Variants in OR51B5 observed in about 807,000 individuals in gnomAD.
OR51B5 encodes olfactory receptor 51B5.
For synonymous variants in OR51B5, 186 were observed against 144.8 expected (o/e 1.28, Z -2.04); for missense variants, 456 against 374.6 (o/e 1.22, Z -1.79).
chr11:5,407,957 A>T (rs1278387593), intron 1 of OR51B5, among the ~76,000 whole-genome samples: 1 of 152,132 alleles, frequency 6.6e-6, no homozygotes, highest in African/African-American at 2.4e-5. Flanking sequence ...GATTTGAGAG[A>T]ATATATTTTG....
At chr11:5,466,894 T>C (rs1851146242) in intron 1 of OR51B5, among the ~76,000 whole-genome samples, 1 of 152,260 alleles carries the variant, frequency 6.6e-6, no homozygotes. Flanking sequence ...GGAAGCTGTA[T>C]TTAGCTGTTG....
chr11:5,391,002 C>T (rs948680067), intron 1 of OR51B5: 2 of 152,308 alleles, frequency 1.3e-5, no homozygotes, highest in African/African-American at 4.8e-5. Flanking sequence ...TTGATCCTAT[C>T]CTTGACTCCT....
At chr11:5,394,862 A>T (rs1363670918) in intron 1 of OR51B5, among the ~76,000 whole-genome samples, 2 of 152,204 alleles carry the variant, frequency 1.3e-5, no homozygotes, top group Non-Finnish European at 2.9e-5. Context: ...CAAATATCTG[A>T]CCCAAAGCTT....
intron 1 of OR51B5, among the ~76,000 whole-genome samples, chr11:5,449,562 A>C (rs541698544): frequency 5.1e-4 from 78 of 152,334 alleles, no homozygotes; most frequent in Non-Finnish European, 9.0e-4. Context: ...TGGCACTGCC[A>C]TGTACTGATT....
chr11:5,422,262 G>A, intron 1 of OR51B5: 1 of 1,614,062 alleles, frequency 6.2e-7, no homozygotes, highest in South Asian at 1.1e-5. Context: ...GACATCCCTG[G>A]ATTTGAGGCC....
At chr11:5,351,488 G>T (rs4494330) in intron 1 of OR51B5, 402,337 of 1,578,436 alleles carry the variant, frequency 0.25, 53,126 homozygotes, top group African/African-American at 0.31. Flanking sequence ...GTAAATATTT[G>T]CCTCTTTGCA....
intron 1 of OR51B5, among the ~76,000 whole-genome samples, chr11:5,427,173 G>A (rs1229674665): frequency 9.6e-6 from 1 of 104,162 alleles, no homozygotes; most frequent in East Asian, 2.3e-4. Context: ...GGTATATACC[G>A]ACCGTCCAAC....
chr11:5,440,348 A>G (rs1850659168), intron 1 of OR51B5, among the ~76,000 whole-genome samples: 1 of 152,180 alleles, frequency 6.6e-6, no homozygotes, highest in Admixed American at 6.5e-5. Flanking sequence ...ACAATATTTC[A>G]TACTCACCAT....
chr11:5,402,144 T>C (rs762796154), intron 1 of OR51B5, among the ~76,000 whole-genome samples: 35 of 152,002 alleles, frequency 2.3e-4, no homozygotes, highest in Non-Finnish European at 3.8e-4. Context: ...CTCAAGTAGC[T>C]GGGACTACAG....
chr11:5,378,083 A>G (rs1485064158), intron 1 of OR51B5, among the ~76,000 whole-genome samples: 1 of 152,020 alleles, frequency 6.6e-6, no homozygotes, highest in Non-Finnish European at 1.5e-5. Context: ...ACAGTAACCA[A>G]AACAGCATGT....
chr11:5,505,603 GC>G, exon 1 of OR51B5: 1 of 620,370 alleles, frequency 1.6e-6, no homozygotes, highest in Non-Finnish European at 2.3e-6. Context: ...CACAACCATG[GC>G]CAGGAGAAGC....
At chr11:5,346,662 G>A (rs1370623579), upstream of OR51B5, among the ~76,000 whole-genome samples, 1 of 152,170 alleles carries the variant, frequency 6.6e-6, no homozygotes, top group African/African-American at 2.4e-5. Context: ...ACTTGGAATT[G>A]CTTTTGAAGT....
intron 1 of OR51B5, among the ~76,000 whole-genome samples, chr11:5,389,094 A>G (rs1228235817): frequency 6.6e-6 from 1 of 152,224 alleles, no homozygotes; most frequent in African/African-American, 2.4e-5. Flanking sequence ...AGAAGAAATA[A>G]TAGAATATGG....
At chr11:5,418,385 C>T in intron 1 of OR51B5, among the ~76,000 whole-genome samples, 1 of 151,658 alleles carries the variant, frequency 6.6e-6, no homozygotes, top group East Asian at 1.9e-4. Context: ...TGCACATGTA[C>T]CCTAAAACTT....
At chr11:5,431,937 T>C (rs1008609718) in intron 1 of OR51B5, among the ~76,000 whole-genome samples, 7 of 152,224 alleles carry the variant, frequency 4.6e-5, no homozygotes, top group African/African-American at 1.7e-4. Flanking sequence ...ACAAGTGACA[T>C]TGTGTCACAT....
rs34459420 is a variant in OR51B5 at position 5,465,205 on chromosome 11, CAAAAAAAAAA to C, written n.84+40354_84+40363del. Among the ~76,000 whole-genome samples, 13 of 45,426 alleles carry C rather than the reference CAAAAAAAAAA, an allele frequency of 2.9e-4. No homozygotes were observed. The East Asian group carries it at 9.1e-3, about 32-fold the overall frequency. The allele number at this position is 45,426 out of a possible 152,430, so 29.8% of individuals were successfully genotyped here. ...TGGGCGACAGAGCGAGACTCCGTCT[CAAAAAAAAAA>C]AAAAAAAAAAAAAAAGTGTTCCTAT... is the stretch of plus-strand genomic sequence containing the variant. On this transcript the variant is annotated intron_variant and non_coding_transcript_variant, in intron 1 of 4. Transcript: ENST00000415970.
chr11:5,414,755 G>A (rs576028951), intron 1 of OR51B5, among the ~76,000 whole-genome samples: 25 of 152,108 alleles, frequency 1.6e-4, no homozygotes, highest in Non-Finnish European at 3.7e-4. Context: ...CCCAATACAG[G>A]AGCACCCAGA....
Position 5,477,869 on chromosome 11 carries a change from G to A in OR51B5, n.84+27700C>T, listed in dbSNP as rs551536439. ...CTGGCTCGGAGGGTCCTACGCCCAC[G>A]GAGTCTCCCTGATTGCTAGCACAGC... On this transcript the variant is annotated intron_variant and non_coding_transcript_variant, in intron 1 of 4. Transcript: ENST00000415970. Among the ~76,000 whole-genome samples, 1,078 of 152,224 alleles carry A rather than the reference G, an allele frequency of 7.1e-3. 10 individuals are homozygous for A. The highest frequency in any genetic ancestry group is 0.02 in the African/African-American group (831 of 41,544).
At chr11:5,341,762 G>T (rs1263271926), downstream of OR51B5, among the ~76,000 whole-genome samples, 1 of 152,138 alleles carries the variant, frequency 6.6e-6, no homozygotes, top group Non-Finnish European at 1.5e-5. Context: ...TGAAGGAACT[G>T]TCTCTTCCAC....
Sources: allele counts gnomAD v4.1 joint callset (sites outside exome capture counted in the v4.1 genomes callset), GRCh38; gene constraint gnomAD v4.1.1; transcripts MANE v1.5; gene names NCBI Gene and HGNC (gene_info 2026-07-23, HGNC 2026-07-21).